WDR72: variants seen among roughly 807,000 people sequenced by gnomAD.
WDR72 encodes the protein WD repeat domain 72.
WDR72 carries 120 observed loss-of-function variants against 124.2 expected under a neutral mutation model. The observed-to-expected ratio is 0.97, with a 90% CI of 0.83 to 1.12. WDR72 has a LOEUF of 1.12. Ranked by LOEUF, WDR72 falls within the 50% of genes most tolerant of loss-of-function variation. The pLI is 0.00. For missense variants in WDR72, 1,387 were observed against 1,278.8 expected (o/e 1.08, Z -1.29); for synonymous variants, 452 against 441.7 (o/e 1.02, Z -0.29).
chr15:53,688,036 T>G (rs2016704222), intron 13 of WDR72, among the ~76,000 whole-genome samples: 1 of 146,756 alleles, frequency 6.8e-6, no homozygotes, highest in Non-Finnish European at 1.5e-5. Flanking sequence ...AAACTCTCAA[T>G]AAATTAGGTA....
At chr15:53,659,779 T>C (rs1363958257) in intron 14 of WDR72, among the ~76,000 whole-genome samples, 1 of 152,096 alleles carries the variant, frequency 6.6e-6, no homozygotes. Context: ...AAAACTCTTA[T>C]GGTAAACAGT....
rs367708930 is a variant in WDR72 at position 53,705,230 on chromosome 15, A to G, written c.1106T>C (p.Ile369Thr). 1 of 1,612,796 alleles carries G rather than the reference A, an allele frequency of 6.2e-7. No individual in the cohort carries two copies. Among genetic ancestry groups the G allele is most frequent in the Non-Finnish European group, 8.5e-7 (1 of 1,180,004 alleles). ...VSKFDGSPRE[I>T]PVTATWTLQD... ...AAGAGTCCAGGTGGCAGTTACTGGT[A>G]TCTCTAAAAAGAAAACAGACATAAA... Residue 369 changes from isoleucine to threonine, a missense_variant, in exon 11 of 20, where the codon ATA becomes ACA. By Grantham distance (89) the Ile-to-Thr change is moderately conservative. Transcript: ENST00000360509.
chr15:53,641,056 C>T (rs575692202), intron 14 of WDR72, among the ~76,000 whole-genome samples: 122 of 151,790 alleles, frequency 8.0e-4, no homozygotes, highest in Non-Finnish European at 1.5e-3. Context: ...AACATGATTA[C>T]TAAAAATATT....
At chr15:53,734,500 G>T (rs924239122) in intron 1 of WDR72, among the ~76,000 whole-genome samples, 1 of 152,112 alleles carries the variant, frequency 6.6e-6, no homozygotes, top group Non-Finnish European at 1.5e-5. Flanking sequence ...AGAGAAAAAT[G>T]CATTATACCT....
At chr15:53,665,891 C>T (rs932986645) in intron 13 of WDR72, 123 bp from the exon 14 acceptor site, 2 of 936,574 alleles carry the variant, frequency 2.1e-6, no homozygotes, top group Admixed American at 2.2e-5. Flanking sequence ...TAGTATCTTG[C>T]AACTGAAAAA....
chr15:53,529,165 T>TATATATTA (rs1555404361), intron 18 of WDR72, among the ~76,000 whole-genome samples: 1 of 89,100 alleles, frequency 1.1e-5, no homozygotes, highest in South Asian at 3.9e-4. Context: ...TATATATATA[T>TATATATTA]TTTTTTTTTT....
At chr15:53,670,171 T>G (rs1340832891) in intron 13 of WDR72, among the ~76,000 whole-genome samples, 2 of 152,128 alleles carry the variant, frequency 1.3e-5, no homozygotes, top group Non-Finnish European at 1.5e-5. Flanking sequence ...CTATTATTTA[T>G]TTAATATGAA....
At chr15:53,747,995 T>TTC (rs2018683805) in intron 1 of WDR72, among the ~76,000 whole-genome samples, 1 of 151,768 alleles carries the variant, frequency 6.6e-6, no homozygotes, top group Non-Finnish European at 1.5e-5. Flanking sequence ...TTTTTTTTTT[T>TTC]ACTTAGATGT....
chr15:53,638,780 G>C (rs182907175), intron 14 of WDR72, among the ~76,000 whole-genome samples: 5 of 152,152 alleles, frequency 3.3e-5, no homozygotes, highest in Non-Finnish European at 7.4e-5. Context: ...AATGCGAGCA[G>C]ATCACCTGAG....
chr15:53,693,110 T>C (rs2016893293), intron 13 of WDR72, among the ~76,000 whole-genome samples: 1 of 152,176 alleles, frequency 6.6e-6, no homozygotes. Context: ...ACAACATAAC[T>C]TTGACCTGAT....
chr15:53,549,732 T>C (rs1906422), intron 18 of WDR72, among the ~76,000 whole-genome samples: 73,697 of 151,964 alleles, frequency 0.48, 19,138 homozygotes, highest in Middle Eastern at 0.61. Context: ...TTTGGTTTTA[T>C]AGTTAAATTA....
At chr15:53,726,285 TACACAC>T (rs143084949) in intron 2 of WDR72, among the ~76,000 whole-genome samples, 38 of 115,466 alleles carry the variant, frequency 3.3e-4, no homozygotes, top group African/African-American at 1.4e-3. Flanking sequence ...TATATATATA[TACACAC>T]ACACACTGCT....
chr15:53,674,552 T>C (rs1482360343), intron 13 of WDR72, among the ~76,000 whole-genome samples: 5 of 151,748 alleles, frequency 3.3e-5, no homozygotes, highest in Admixed American at 2.6e-4. Context: ...AACTAGAAAA[T>C]AATGGAAGGG....
chr15:53,552,633 A>C (rs1348657925), intron 18 of WDR72, among the ~76,000 whole-genome samples: 1 of 152,168 alleles, frequency 6.6e-6, no homozygotes. Context: ...ATGTTTTATA[A>C]GATCGAAAAC....
rs552995243 is a variant in WDR72 at position 53,722,908 on chromosome 15, T to G, written c.154A>C (p.Ile52Leu). The change falls in exon 3 of 20, where the codon ATT (isoleucine) becomes CTT (leucine). Residue 52 changes from isoleucine to leucine, a missense_variant and splice_region_variant. Transcript: ENST00000360509. ...CCAAATAGGAGTTCTTTCGCTGAAA[T>G]CTGAAAATAATGAGAGTGAGCTTTT... is the stretch of plus-strand genomic sequence containing the variant. Reference protein sequence around the residue: ...CLWNLSHELKISAKELLFGHS... With the variant: ...CLWNLSHELKLSAKELLFGHS... 3 of 1,613,786 alleles carry G rather than the reference T, an allele frequency of 1.9e-6. No homozygotes were observed. The African/African-American group carries it at 4.0e-5, about 22-fold the overall frequency.
intron 13 of WDR72, among the ~76,000 whole-genome samples, chr15:53,680,422 C>T (rs1487363598): frequency 2.0e-5 from 3 of 152,128 alleles, no homozygotes; most frequent in Admixed American, 2.0e-4. Context: ...AGAAAACTAT[C>T]ATGGTTGTAA....
At chr15:53,736,381 G>A (rs560325742) in intron 1 of WDR72, among the ~76,000 whole-genome samples, 1 of 152,138 alleles carries the variant, frequency 6.6e-6, no homozygotes, top group African/African-American at 2.4e-5. Context: ...GGGTGAAGAG[G>A]AGTAATGTAT....
At chr15:53,541,069 G>A (rs1176658984) in intron 18 of WDR72, 1 of 158,824 alleles carries the variant, frequency 6.3e-6, no homozygotes, top group Non-Finnish European at 1.4e-5. Context: ...CTGGGGGAGG[G>A]ACGCCCGCCA....
At chr15:53,701,663 G>T (rs2017183994) in intron 12 of WDR72, among the ~76,000 whole-genome samples, 1 of 151,518 alleles carries the variant, frequency 6.6e-6, no homozygotes, top group Non-Finnish European at 1.5e-5. Context: ...TTGCTCTGTT[G>T]CCCAGGCTGG....
Sources: allele counts gnomAD v4.1 joint callset (sites outside exome capture counted in the v4.1 genomes callset), GRCh38; gene constraint gnomAD v4.1.1; transcripts MANE v1.5; gene names NCBI Gene and HGNC (gene_info 2026-07-23, HGNC 2026-07-21).